Variants in ZNF568 observed in about 807,000 individuals in gnomAD.
The protein encoded by ZNF568 is zinc finger protein 568.
ZNF568 carries 11 observed loss-of-function variants against 18.1 expected under a neutral mutation model. The observed-to-expected ratio is 0.61, with a 90% confidence interval of 0.38 to 1.00. ZNF568 has a LOEUF of 1.00. Among genes scored for constraint, ZNF568 ranks in the 50% least tolerant of loss-of-function variants. ZNF568 has a pLI of 0.01. For missense variants in ZNF568, 639 were observed against 768.2 expected (o/e 0.83, Z 1.99); for synonymous variants, 213 against 246.6 (o/e 0.86, Z 1.28).
chr19:36,986,055 C>A (rs890381293), intron 2 of ZNF568, among the ~76,000 whole-genome samples: 2 of 152,112 alleles, frequency 1.3e-5, no homozygotes, highest in African/African-American at 4.8e-5. Flanking sequence ...CCTGCCAAAC[C>A]AGGACCACCA....
intron 6 of ZNF568, among the ~76,000 whole-genome samples, chr19:36,941,297 A>G (rs1047408806): frequency 2.6e-5 from 4 of 152,232 alleles, no homozygotes; most frequent in African/African-American, 4.8e-5. Flanking sequence ...GTATGAAAGA[A>G]AAAAGTCAAA....
downstream of ZNF568, among the ~76,000 whole-genome samples, chr19:36,957,302 G>A (rs2074115308): frequency 7.2e-6 from 1 of 138,824 alleles, no homozygotes; most frequent in African/African-American, 2.7e-5. Flanking sequence ...CGCGATCTCG[G>A]CTCACTGCAA....
At chr19:36,994,381 C>T (rs2074451467) in intron 4 of ZNF568, among the ~76,000 whole-genome samples, 1 of 152,124 alleles carries the variant, frequency 6.6e-6, no homozygotes, top group African/African-American at 2.4e-5. Flanking sequence ...GTGTATTCTC[C>T]TGTTGTTGAG....
At chr19:36,996,368 A>T in exon 5 of ZNF568, 1 of 1,534,576 alleles carries the variant, frequency 6.5e-7, no homozygotes. Flanking sequence ...GAAAACATTT[A>T]TGAAATTAGA....
chr19:36,926,210 C>T (rs1222305811), intron 4 of ZNF568, among the ~76,000 whole-genome samples: 4 of 152,296 alleles, frequency 2.6e-5, no homozygotes, highest in East Asian at 3.9e-4. Flanking sequence ...TCTTCATCCT[C>T]ATCTTACAAA....
At position 36,952,043 on chromosome 19, in the gene ZNF568, T is replaced by TC; in HGVS notation, c.*955_*956insC. ...ATGACGTTGAGGCCAAGGAGCTTTT[T>TC]TTTTTTTTTTTTCAAGACAAAAGGA... is the stretch of plus-strand genomic sequence containing the variant. On this transcript the variant is annotated 3_prime_UTR_variant, in exon 7 of 7. Coordinates refer to ENST00000333987, the MANE Select transcript of ZNF568 (RefSeq NM_198539.4). 2.0e-6 allele frequency: 2 copies of TC among 976,126 alleles called. No homozygotes were observed. Among genetic ancestry groups the TC allele is most frequent in the Non-Finnish European group, 2.4e-6 (2 of 823,546 alleles). The allele number at this position is 976,126 out of a possible 1,614,324, so 60.5% of individuals were successfully genotyped here.
intron 4 of ZNF568, among the ~76,000 whole-genome samples, chr19:36,932,846 T>A (rs192740240): frequency 2.0e-4 from 31 of 152,330 alleles, no homozygotes; most frequent in African/African-American, 6.5e-4. Flanking sequence ...CTTTGAAGAA[T>A]TGTCTATTCA....
chr19:36,997,057 T>C (rs2074481701), exon 5 of ZNF568: 3 of 1,567,220 alleles, frequency 1.9e-6, no homozygotes, highest in South Asian at 2.3e-5. Context: ...ATGTAAGGAA[T>C]GTGGAAAGGC....
At chr19:36,922,236 C>A (rs2073469497) in intron 2 of ZNF568, among the ~76,000 whole-genome samples, 1 of 152,172 alleles carries the variant, frequency 6.6e-6, no homozygotes, top group Admixed American at 6.5e-5. Context: ...GGAGGGTTCA[C>A]TTCCAAGATA....
intron 2 of ZNF568, among the ~76,000 whole-genome samples, chr19:36,987,232 G>T (rs2074383677): frequency 6.6e-6 from 1 of 152,148 alleles, no homozygotes; most frequent in Non-Finnish European, 1.5e-5. Flanking sequence ...GGTAATCTCG[G>T]TTTGGAACCA....
At chr19:36,986,571 G>A (rs2074378047) in intron 2 of ZNF568, among the ~76,000 whole-genome samples, 1 of 152,030 alleles carries the variant, frequency 6.6e-6, no homozygotes, top group Admixed American at 6.6e-5. Context: ...CTGGTGATTT[G>A]GTTGTAGTAA....
intron 6 of ZNF568, among the ~76,000 whole-genome samples, chr19:36,961,370 G>T (rs2050439443): frequency 1.3e-5 from 2 of 149,592 alleles, no homozygotes; most frequent in African/African-American, 4.9e-5. Context: ...CATTTTCATG[G>T]AATATCTTTT....
exon 4 of ZNF568, chr19:36,991,769 C>T (rs755818935): frequency 7.0e-6 from 11 of 1,577,376 alleles, no homozygotes; most frequent in Non-Finnish European, 8.6e-6. Context: ...GATACTAAGC[C>T]AAATGTGATC....
Position 36,937,260 on chromosome 19 carries a change from A to C in ZNF568, c.358+18A>C, listed in dbSNP as rs1365862673. On this transcript the variant is annotated intron_variant, in intron 6 of 6. Transcript: ENST00000333987. ...CTGTCCAGGTGAATAAGTGAAAAGC[A>C]GCTCTGAATGAGAAAGCCACATGAG... 6.2e-7 allele frequency: 1 copy of C among 1,602,456 alleles called. No individual in the cohort carries two copies. The highest frequency in any genetic ancestry group is 1.3e-5 in the African/African-American group (1 of 74,696).
chr19:36,933,941 T>A (rs2073741653), intron 4 of ZNF568, among the ~76,000 whole-genome samples: 2 of 131,456 alleles, frequency 1.5e-5, no homozygotes, highest in South Asian at 4.9e-4. Flanking sequence ...TTTTTTTTTT[T>A]TAGTAATTCA....
intron 6 of ZNF568, among the ~76,000 whole-genome samples, chr19:36,962,500 G>A (rs539865128): frequency 4.0e-5 from 6 of 151,584 alleles, no homozygotes; most frequent in East Asian, 1.9e-4. Flanking sequence ...TCCACCACAC[G>A]TGGCTAATTT....
intron 3 of ZNF568, among the ~76,000 whole-genome samples, chr19:36,923,811 T>C (rs1347262379): frequency 6.6e-6 from 1 of 152,026 alleles, no homozygotes; most frequent in Non-Finnish European, 1.5e-5. Context: ...GTAGCTCCAT[T>C]CCTGAACCTT....
chr19:36,974,515 AC>A (rs1176425348), intron 7 of ZNF568: 1 of 1,486,764 alleles, frequency 6.7e-7, no homozygotes, highest in African/African-American at 1.4e-5. Flanking sequence ...GGTTTTCAGG[AC>A]AGTGTCCTAT....
At chr19:36,988,452 T>C (rs2074395602) in intron 2 of ZNF568, among the ~76,000 whole-genome samples, 1 of 152,064 alleles carries the variant, frequency 6.6e-6, no homozygotes, top group Admixed American at 6.6e-5. Flanking sequence ...AAACTTACCA[T>C]CCTGGTAGAA....
Sources: gnomAD v4.1 joint callset for allele counts (sites outside exome capture counted in the v4.1 genomes callset) on GRCh38, gnomAD v4.1.1 for gene constraint, MANE v1.5 for transcripts, NCBI Gene and HGNC (gene_info 2026-07-23, HGNC 2026-07-21) for gene names.